Variants in KIF5C observed in about 807,000 individuals in gnomAD.
The protein encoded by KIF5C is kinesin family member 5C.
KIF5C carries 18 observed loss-of-function variants against 125.2 expected under a neutral mutation model. The ratio of observed to expected loss-of-function variants is 0.14; its 90% CI spans 0.10 to 0.21. The LOEUF (loss-of-function observed/expected upper bound fraction) is 0.21, where lower values mean the gene tolerates loss of function less well. KIF5C is among the 10% of genes least tolerant of loss of function. The probability of loss-of-function intolerance (pLI) is 1.00; values close to 1 mark genes in which losing one functional copy is unlikely to be tolerated. For missense variants in KIF5C, 780 were observed against 1,183.8 expected (o/e 0.66, Z 5.01); for synonymous variants, 405 against 434.0 (o/e 0.93, Z 0.83).
intron 10 of KIF5C, 142 bp from the exon 11 acceptor site, chr2:148,961,829 G>A: frequency 8.4e-7 from 1 of 1,194,356 alleles, no homozygotes; most frequent in Non-Finnish European, 1.2e-6. Flanking sequence ...AGTCCAATTA[G>A]GAGGATGGTT....
intron 8 of KIF5C, chr2:148,947,931 G>T (rs776482189): frequency 1.2e-4 from 55 of 456,558 alleles, no homozygotes; most frequent in African/African-American, 1.0e-3. Context: ...CTGAGTTCCC[G>T]TATGCCAAGT....
intron 25 of KIF5C, among the ~76,000 whole-genome samples, chr2:149,013,102 A>T (rs1254838848): frequency 6.6e-6 from 1 of 152,208 alleles, no homozygotes; most frequent in Non-Finnish European, 1.5e-5. Flanking sequence ...TCTGATATTC[A>T]TCGAAGTTTG....
chr2:148,933,295 C>A (rs1006944999), intron 3 of KIF5C, among the ~76,000 whole-genome samples: 2 of 152,016 alleles, frequency 1.3e-5, no homozygotes, highest in African/African-American at 4.8e-5. Flanking sequence ...CTATAGCTCT[C>A]GGCTGTTATC....
chr2:148,968,633 G>A (rs941236621), intron 11 of KIF5C, among the ~76,000 whole-genome samples: 1 of 152,142 alleles, frequency 6.6e-6, no homozygotes, highest in Non-Finnish European at 1.5e-5. Flanking sequence ...TAAGGAGGAT[G>A]CAGAGTCCCA....
intron 1 of KIF5C, among the ~76,000 whole-genome samples, chr2:148,882,574 T>G (rs1681396797): frequency 6.6e-6 from 1 of 152,182 alleles, no homozygotes; most frequent in Non-Finnish European, 1.5e-5. Context: ...TCAAGAAGAT[T>G]AGGCTGCTCA....
intron 7 of KIF5C, among the ~76,000 whole-genome samples, chr2:148,944,169 A>G (rs1233130241): frequency 1.3e-5 from 2 of 152,192 alleles, no homozygotes; most frequent in African/African-American, 2.4e-5. Flanking sequence ...TTGCAATAAA[A>G]TATACTTAAT....
chr2:148,891,465 A>G (rs1376676958), intron 1 of KIF5C, among the ~76,000 whole-genome samples: 1 of 152,016 alleles, frequency 6.6e-6, no homozygotes, highest in Non-Finnish European at 1.5e-5. Context: ...TGTGTGCACT[A>G]TAAATATCAA....
intron 1 of KIF5C, among the ~76,000 whole-genome samples, chr2:148,882,898 C>T (rs1681407080): frequency 6.6e-6 from 1 of 152,132 alleles, no homozygotes; most frequent in Non-Finnish European, 1.5e-5. Context: ...AATTGTGTCC[C>T]ATTTATTTCT....
chr2:148,989,181 G>C (rs1681458164), intron 15 of KIF5C, among the ~76,000 whole-genome samples: 1 of 152,060 alleles, frequency 6.6e-6, no homozygotes, highest in African/African-American at 2.4e-5. Context: ...TGTCCTCATA[G>C]CTAGCTCCCA....
At position 149,024,701 on chromosome 2, in the gene KIF5C, G is replaced by A. The variant is rs575000870; in HGVS notation, c.*1631G>A. 6.6e-6 allele frequency: 1 copy of A among 152,480 alleles called. No individual in the cohort carries two copies. Among genetic ancestry groups the A allele is most frequent in the Admixed American group, 6.6e-5 (1 of 15,260 alleles). The allele number at this position is 152,480 out of a possible 1,614,324, so 9.4% of individuals were successfully genotyped here. A position where few individuals can be genotyped will look rare whatever the true frequency, so the allele number is the denominator to read the frequency against. On this transcript the variant is annotated 3_prime_UTR_variant, in exon 26 of 26. Transcript: ENST00000435030. ...TTTATGTATGTTTTGTTTTTGGTGGGGAATAAGGAGAGAGAGGACGACAAA... is the reference window on the plus strand; with the variant it reads ...TTTATGTATGTTTTGTTTTTGGTGGAGAATAAGGAGAGAGAGGACGACAAA...
chr2:148,885,152 A>AT (rs1271883361), intron 1 of KIF5C, among the ~76,000 whole-genome samples: 9 of 151,896 alleles, frequency 5.9e-5, no homozygotes, highest in African/African-American at 9.7e-5. Context: ...TGCTTGACTA[A>AT]TTTTTTGTAT....
chr2:148,912,131 T>G (rs1401675543), intron 1 of KIF5C, among the ~76,000 whole-genome samples: 1 of 152,216 alleles, frequency 6.6e-6, no homozygotes, highest in Admixed American at 6.5e-5. Context: ...GGAATCATAG[T>G]CTTCTTTTAA....
intron 10 of KIF5C, among the ~76,000 whole-genome samples, chr2:148,960,875 T>A (rs1682909386): frequency 6.6e-6 from 1 of 152,274 alleles, no homozygotes; most frequent in Non-Finnish European, 1.5e-5. Context: ...ACATATTTTT[T>A]AATGAAGCTT....
Position 148,961,877 on chromosome 2 carries a change from C to T in KIF5C, c.969-94C>T, listed in dbSNP as rs982963780. ...AGGATCCCTTCTGCTTCCCTATTTC[C>T]AGTCTTTTGACATGAGGAATCTTGG... On this transcript the variant is annotated intron_variant, in intron 10 of 25. Transcript: ENST00000435030. 37 of 1,490,020 alleles carry T rather than the reference C, an allele frequency of 2.5e-5. No homozygotes were observed. In the Admixed American group the frequency reaches 8.0e-4, roughly 32 times the overall value. 92.3% of individuals were successfully genotyped at this position (1,490,020 alleles called of 1,614,324 possible).
chr2:148,963,328 A>G (rs1682974271), intron 11 of KIF5C, among the ~76,000 whole-genome samples: 2 of 152,048 alleles, frequency 1.3e-5, no homozygotes, highest in South Asian at 4.2e-4. Context: ...GCTGTTGTGC[A>G]GGATTGGGAG....
rs1681166781 is a variant in KIF5C at position 148,875,870 on chromosome 2, G to C, written c.126+127G>C. On this transcript the variant is annotated intron_variant, in intron 1 of 25. Coordinates refer to ENST00000435030, the MANE Select transcript of KIF5C (RefSeq NM_004522.3). ...TTCCCGCGGGGCTGGCCTCTCGGGT[G>C]GACCTGACCAGAGACCCCTCGCCCC... 3.8e-6 allele frequency: 5 copies of C among 1,331,608 alleles called. No individual in the cohort carries two copies. The Admixed American group carries it at 1.1e-4, about 31-fold the overall frequency. The allele number at this position is 1,331,608 out of a possible 1,614,324, so 82.5% of individuals were successfully genotyped here.
intron 1 of KIF5C, among the ~76,000 whole-genome samples, chr2:148,919,786 A>C (rs1681709023): frequency 6.6e-6 from 1 of 152,242 alleles, no homozygotes; most frequent in African/African-American, 2.4e-5. Context: ...TAACTAACTC[A>C]GTGCAAGACA....
chr2:148,992,235 G>A (rs1681546988), intron 16 of KIF5C, among the ~76,000 whole-genome samples: 1 of 152,158 alleles, frequency 6.6e-6, no homozygotes, highest in Non-Finnish European at 1.5e-5. Context: ...GAAATGTATT[G>A]AAAAGATTAT....
intron 1 of KIF5C, among the ~76,000 whole-genome samples, chr2:148,909,510 G>A (rs1011035940): frequency 2.6e-4 from 40 of 152,332 alleles, no homozygotes; most frequent in African/African-American, 9.4e-4. Flanking sequence ...GGTTCCCAGT[G>A]TTTTTGAACA....
Sources: gnomAD v4.1 joint callset for allele counts (sites outside exome capture counted in the v4.1 genomes callset) on GRCh38, gnomAD v4.1.1 for gene constraint, MANE v1.5 for transcripts, NCBI Gene and HGNC (gene_info 2026-07-23, HGNC 2026-07-21) for gene names.